Variants in RBFOX2 observed in about 807,000 individuals in gnomAD.
RBFOX2 encodes RNA binding fox-1 homolog 2, also known as RNA binding protein fox-1 homolog 2.
RBFOX2 carries 10 observed loss-of-function variants against 49.1 expected under a neutral mutation model. The ratio of observed to expected loss-of-function variants is 0.20; its 90% CI spans 0.13 to 0.35. The LOEUF (loss-of-function observed/expected upper bound fraction) is 0.35. RBFOX2 is among the 10% of genes least tolerant of loss of function. The pLI, the probability that RBFOX2 is intolerant of heterozygous loss-of-function variation, is 1.00. For synonymous variants in RBFOX2, 183 were observed against 187.4 expected (o/e 0.98, Z 0.19); for missense variants, 323 against 486.9 (o/e 0.66, Z 3.17).
At chr22:35,912,619 C>T (rs1476901952) in intron 1 of RBFOX2, among the ~76,000 whole-genome samples, 4 of 152,124 alleles carry the variant, frequency 2.6e-5, no homozygotes, top group South Asian at 4.1e-4. Flanking sequence ...TAAAAGTCAC[C>T]TGATTGTAAA....
chr22:35,977,722 C>CTATATATATATATATA (rs375088964), intron 1 of RBFOX2, among the ~76,000 whole-genome samples: 10 of 80,876 alleles, frequency 1.2e-4, no homozygotes, highest in East Asian at 8.8e-4. Context: ...CCTGAATGAA[C>CTATATATATATATATA]TATATATATA....
intron 1 of RBFOX2, among the ~76,000 whole-genome samples, chr22:35,886,947 G>A (rs1413789591): frequency 1.3e-5 from 2 of 152,118 alleles, no homozygotes; most frequent in Non-Finnish European, 2.9e-5. Flanking sequence ...AATATATCTT[G>A]GGTGTTTAAT....
chr22:35,815,146 C>T (rs1044048166), intron 1 of RBFOX2, among the ~76,000 whole-genome samples: 10 of 152,142 alleles, frequency 6.6e-5, no homozygotes, highest in African/African-American at 2.4e-4. Context: ...TGCCTTCTCC[C>T]CAGTTTACAT....
At chr22:35,809,747 A>T (rs565828101) in intron 2 of RBFOX2, 33 bp downstream of exon 3, 5 of 1,594,910 alleles carry the variant, frequency 3.1e-6, no homozygotes, top group Non-Finnish European at 4.3e-6. Flanking sequence ...ATTGCCATGC[A>T]TCCTTCCATT....
chr22:35,831,109 C>T (rs1956708929), intron 1 of RBFOX2, among the ~76,000 whole-genome samples: 1 of 152,194 alleles, frequency 6.6e-6, no homozygotes, highest in Non-Finnish European at 1.5e-5. Context: ...CCTCCACCTA[C>T]TTTTGCATAA....
At chr22:35,889,543 C>G (rs1021822843) in intron 1 of RBFOX2, among the ~76,000 whole-genome samples, 1 of 152,152 alleles carries the variant, frequency 6.6e-6, no homozygotes, top group Non-Finnish European at 1.5e-5. Context: ...GTCACTCAGA[C>G]TCTTACACAA....
At chr22:35,762,958 T>C (rs976652456) in intron 6 of RBFOX2, among the ~76,000 whole-genome samples, 3 of 152,214 alleles carry the variant, frequency 2.0e-5, no homozygotes, top group African/African-American at 7.2e-5. Context: ...TCTTCAATAT[T>C]CCACATAAAA....
chr22:35,950,266 T>G (rs1343528126), intron 1 of RBFOX2, among the ~76,000 whole-genome samples: 1 of 152,112 alleles, frequency 6.6e-6, no homozygotes, highest in Non-Finnish European at 1.5e-5. Context: ...AGCTCCAAAT[T>G]TACCTTTTTT....
At chr22:35,939,012 C>T (rs967596407), upstream of RBFOX2, 5 of 1,008,560 alleles carry the variant, frequency 5.0e-6, no homozygotes, top group African/African-American at 7.9e-5. Flanking sequence ...TAAAATGTTC[C>T]ATTAACTGTA....
intron 1 of RBFOX2, among the ~76,000 whole-genome samples, chr22:35,831,530 A>G (rs1379028983): frequency 1.3e-5 from 2 of 152,258 alleles, no homozygotes; most frequent in African/African-American, 4.8e-5. Context: ...GTCCGTAAAT[A>G]GTTTTACTGG....
chr22:35,760,720 C>T (rs966991134), intron 8 of RBFOX2, among the ~76,000 whole-genome samples: 4 of 152,134 alleles, frequency 2.6e-5, no homozygotes, highest in African/African-American at 9.7e-5. Context: ...GGAAAGCATG[C>T]AGAGACATTG....
chr22:35,771,638 G>C (rs1470316943), intron 4 of RBFOX2, among the ~76,000 whole-genome samples: 1 of 152,150 alleles, frequency 6.6e-6, no homozygotes, highest in Non-Finnish European at 1.5e-5. Flanking sequence ...AATTTTTGAA[G>C]TACTGTTCTT....
intron 3 of RBFOX2, among the ~76,000 whole-genome samples, chr22:35,781,079 G>C (rs1198522643): frequency 6.6e-6 from 1 of 152,138 alleles, no homozygotes; most frequent in East Asian, 1.9e-4. Context: ...GTGCACATTA[G>C]TATCAGCTGG....
At chr22:36,022,485 T>G (rs2059281396) in intron 1 of RBFOX2, among the ~76,000 whole-genome samples, 1 of 152,214 alleles carries the variant, frequency 6.6e-6, no homozygotes. Context: ...TGAAATCAGA[T>G]CTGACTTTCT....
intron 1 of RBFOX2, among the ~76,000 whole-genome samples, chr22:35,864,756 C>G (rs190040804): frequency 6.6e-6 from 1 of 152,182 alleles, no homozygotes; most frequent in African/African-American, 2.4e-5. Flanking sequence ...GCACACAGCA[C>G]CAGTTCAGGG....
intron 1 of RBFOX2, among the ~76,000 whole-genome samples, chr22:35,862,719 G>A (rs566627549): frequency 2.6e-5 from 4 of 152,182 alleles, no homozygotes; most frequent in African/African-American, 7.2e-5. Flanking sequence ...TACTTGATTC[G>A]AATCTTAGCT....
At chr22:35,798,159 G>A (rs770021824) in intron 2 of RBFOX2, among the ~76,000 whole-genome samples, 6 of 152,098 alleles carry the variant, frequency 3.9e-5, no homozygotes, top group Admixed American at 1.3e-4. Flanking sequence ...ATTTTTAGTA[G>A]AGGCAGGGTT....
rs901146906 is a variant in RBFOX2, at chr22:35,749,508, TAC to T, written c.888-2949_888-2948del. On this transcript the variant is annotated intron_variant, in intron 9 of 11. Transcript: ENST00000405409. This position sits in a 1 kb window ranked among gnomAD's most constrained non-coding sequence, Gnocchi z 4.1. ...TGGATGTATTCCTCTCTCTCTCTCT[TAC>T]ACACACACACGCACACACACACATA... Among the ~76,000 whole-genome samples the T allele has an allele frequency of 5.3e-5, 8 of 151,752 alleles. No homozygotes were observed. The highest frequency in any genetic ancestry group is 3.9e-4 in the East Asian group (2 of 5,180).
At chr22:35,893,735 A>T (rs1205087935) in intron 1 of RBFOX2, among the ~76,000 whole-genome samples, 2 of 152,218 alleles carry the variant, frequency 1.3e-5, no homozygotes, top group Non-Finnish European at 2.9e-5. Flanking sequence ...ATACATATAC[A>T]TCTTCTGTGA....
Sources: gnomAD v4.1 joint callset for allele counts (sites outside exome capture counted in the v4.1 genomes callset) on GRCh38, gnomAD v4.1.1 for gene constraint, Gnocchi (gnomAD v3.1) non-coding constraint, MANE v1.5 for transcripts, NCBI Gene and HGNC (gene_info 2026-07-23, HGNC 2026-07-21) for gene names.